FAM133A: variants seen among roughly 807,000 people sequenced by gnomAD.
The protein encoded by FAM133A is protein FAM133A.
For missense variants in FAM133A, 159 were observed against 164.4 expected, an observed-to-expected ratio of 0.97 and a Z score of 0.18; for synonymous variants, 65 against 58.6, an observed-to-expected ratio of 1.11 and a Z score of -0.50.
chrX:93,675,161 A>G (rs1306209066), intron 2 of FAM133A, among the ~76,000 whole-genome samples: 1 of 111,904 alleles, frequency 8.9e-6, no homozygotes, highest in Non-Finnish European at 1.9e-5. Flanking sequence ...GTCTGTGAAC[A>G]TTGCAAAGAT....
chrX:93,708,113 T>A (rs1927157611), intron 3 of FAM133A, among the ~76,000 whole-genome samples: 1 of 112,387 alleles, frequency 8.9e-6, no homozygotes, highest in South Asian at 3.6e-4. Context: ...TTAAACTGTT[T>A]GTGTCCCATA....
chrX:93,706,858 A>G (rs1242762918), intron 3 of FAM133A, among the ~76,000 whole-genome samples: 1 of 111,911 alleles, frequency 8.9e-6, no homozygotes, highest in African/African-American at 3.2e-5. Context: ...TGAATTTTTA[A>G]GTGGTCCCAT....
intron 2 of FAM133A, among the ~76,000 whole-genome samples, chrX:93,682,298 T>C (rs1925223109): frequency 8.9e-6 from 1 of 112,360 alleles, no homozygotes. Context: ...ACTAAACTTA[T>C]CTTCTCCAGG....
At chrX:93,703,581 C>T (rs1926860549) in intron 3 of FAM133A, among the ~76,000 whole-genome samples, 1 of 112,231 alleles carries the variant, frequency 8.9e-6, no homozygotes, top group South Asian at 3.6e-4. Context: ...TTTAAAAATA[C>T]ATATCACTTG....
chrX:93,696,890 A>G (rs1926323830), intron 2 of FAM133A, among the ~76,000 whole-genome samples: 1 of 104,384 alleles, frequency 9.6e-6, no homozygotes, highest in Non-Finnish European at 2.0e-5. Flanking sequence ...ACTGCACTCC[A>G]GCCTGGGCGA....
At chrX:93,699,992 T>C (rs757951940) in intron 3 of FAM133A, among the ~76,000 whole-genome samples, 5 of 110,962 alleles carry the variant, frequency 4.5e-5, no homozygotes, top group Non-Finnish European at 9.5e-5. Context: ...AGCCATCATC[T>C]TAATCTAATT....
At chrX:93,681,235 T>G (rs1350530795) in intron 2 of FAM133A, among the ~76,000 whole-genome samples, 1 of 110,806 alleles carries the variant, frequency 9.0e-6, no homozygotes, top group Non-Finnish European at 1.9e-5. Flanking sequence ...ATATATCTTA[T>G]GTGCATATGA....
chrX:93,675,936 G>A (rs866306083), intron 2 of FAM133A, among the ~76,000 whole-genome samples: 9 of 110,828 alleles, frequency 8.1e-5, no homozygotes, highest in Admixed American at 1.9e-4. Flanking sequence ...TTTAAATTAT[G>A]GAGATTTAAA....
At chrX:93,681,806 G>A (rs745736375) in intron 2 of FAM133A, among the ~76,000 whole-genome samples, 2 of 111,924 alleles carry the variant, frequency 1.8e-5, no homozygotes, top group African/African-American at 6.5e-5. Flanking sequence ...AAAAGAATAA[G>A]CATTTTTTTG....
intron 2 of FAM133A, among the ~76,000 whole-genome samples, chrX:93,682,424 A>G (rs1209327355): frequency 2.7e-5 from 3 of 112,100 alleles, no homozygotes; most frequent in Non-Finnish European, 5.6e-5. Context: ...AGAACCACAT[A>G]GGTCATTTAT....
chrX:93,699,892 T>C (rs2087284081), intron 3 of FAM133A, among the ~76,000 whole-genome samples: 1 of 111,197 alleles, frequency 9.0e-6, no homozygotes, highest in Admixed American at 9.6e-5. Flanking sequence ...CCCCAGTTTT[T>C]AGCAGTTTTA....
chrX:93,681,201 G>A (rs1245904505), intron 2 of FAM133A, among the ~76,000 whole-genome samples: 3 of 110,056 alleles, frequency 2.7e-5, no homozygotes, highest in African/African-American at 9.9e-5. Flanking sequence ...TTTGAAAAAT[G>A]GACAATGTTT....
rs978494798 is a variant in FAM133A at position 93,709,393 on chromosome X, A to G, written c.-27A>G. 22 of 1,104,101 alleles carry G rather than the reference A, an allele frequency of 2.0e-5. No homozygotes were observed. The highest frequency in any genetic ancestry group is 2.6e-5 in the Non-Finnish European group (22 of 847,455). 91.0% of individuals were successfully genotyped at this position (1,104,101 alleles called of 1,213,427 possible). On this transcript the variant is annotated 5_prime_UTR_variant, in exon 4 of 4. Coordinates refer to ENST00000683942, the MANE Select transcript of FAM133A (RefSeq NM_001171109.2). ...ATCTTTGTTCTCCTTGGCAACTGAG[A>G]GTCTGCCCTTGGAAACATCAGGCAC... is the stretch of plus-strand genomic sequence containing the variant.
chrX:93,689,203 G>A lies in FAM133A; in HGVS notation c.-192-9194G>A, dbSNP rs936246711. Among the ~76,000 whole-genome samples, 22 of 109,688 alleles carry A rather than the reference G, an allele frequency of 2.0e-4. 1 individual carries two copies. In the South Asian group the frequency reaches 5.1e-3, roughly 26 times the overall value. ...ATTACAGGCATCTGCCACCATGCCC[G>A]GCTAATTTTTGTATTTTTAGTAGAG... On this transcript the variant is annotated intron_variant, in intron 2 of 3. Transcript: ENST00000683942.
At chrX:93,689,431 C>G (rs2147612406) in intron 2 of FAM133A, among the ~76,000 whole-genome samples, 1 of 111,911 alleles carries the variant, frequency 8.9e-6, no homozygotes, top group South Asian at 3.7e-4. Flanking sequence ...CAAAGGAATA[C>G]TAATCCGCTA....
At chrX:93,705,118 G>A (rs1360837334) in intron 3 of FAM133A, among the ~76,000 whole-genome samples, 2 of 111,124 alleles carry the variant, frequency 1.8e-5, no homozygotes, top group East Asian at 2.8e-4. Context: ...TCATATTTGT[G>A]TAATAACTAT....
rs1262987474 is a variant in FAM133A, at chrX:93,710,300, A to G, written c.*134A>G. ...GTGGCTGCTGGCAACTTCAATATAC[A>G]TTTTTGTTTGTTTGCTTGTCCTTCC... On this transcript the variant is annotated 3_prime_UTR_variant, in exon 4 of 4. Transcript: ENST00000683942. 5.6e-6 allele frequency: 4 copies of G among 708,149 alleles called. No individual in the cohort carries two copies. The highest frequency in any genetic ancestry group is 7.9e-6 in the Non-Finnish European group (4 of 508,139). 58.4% of individuals were successfully genotyped at this position (708,149 alleles called of 1,213,427 possible).
intron 3 of FAM133A, among the ~76,000 whole-genome samples, chrX:93,700,863 T>C (rs1926647197): frequency 9.0e-6 from 1 of 111,595 alleles, no homozygotes. Flanking sequence ...AAAAAATTTA[T>C]GTGGGGGTGG....
chrX:93,694,181 GAT>G (rs1383869434), intron 2 of FAM133A, among the ~76,000 whole-genome samples: 2 of 110,657 alleles, frequency 1.8e-5, no homozygotes, highest in Non-Finnish European at 3.8e-5. Context: ...TGAGAAAGAT[GAT>G]ATTACATGCT....
Sources: gnomAD v4.1 joint callset for allele counts (sites outside exome capture counted in the v4.1 genomes callset) on GRCh38, gnomAD v4.1.1 for gene constraint, MANE v1.5 for transcripts, NCBI Gene and HGNC (gene_info 2026-07-23, HGNC 2026-07-21) for gene names.